Variants in MGAT4C observed in about 807,000 individuals in gnomAD.
MGAT4C encodes the protein MGAT4 family member C, also known as alpha-1,3-mannosyl-glycoprotein 4-beta-N-acetylglucosaminyltransferase C.
MGAT4C carries 19 observed loss-of-function variants against 40.1 expected under a neutral mutation model. The ratio of observed to expected loss-of-function variants is 0.47; its 90% CI spans 0.33 to 0.70. The LOEUF (loss-of-function observed/expected upper bound fraction) is 0.70. Ranked by LOEUF, MGAT4C falls within the 30% of genes least tolerant of loss-of-function variation. The pLI is 0.02. For synonymous variants in MGAT4C, 181 were observed against 187.1 expected (o/e 0.97, Z 0.27); for missense variants, 491 against 563.2 (o/e 0.87, Z 1.30).
intron 1 of MGAT4C, among the ~76,000 whole-genome samples, chr12:86,054,047 T>C (rs148007490): frequency 3.0e-4 from 45 of 151,882 alleles, no homozygotes; most frequent in African/African-American, 1.0e-3. Flanking sequence ...TTCTCAAAAA[T>C]TGAAAAAAAG....
intron 3 of MGAT4C, among the ~76,000 whole-genome samples, chr12:86,430,931 G>A (rs1020378149): frequency 1.1e-4 from 16 of 152,210 alleles, no homozygotes; most frequent in Admixed American, 9.8e-4. Context: ...ATTCACAGAA[G>A]TGGGAAGTTC....
intron 2 of MGAT4C, among the ~76,000 whole-genome samples, chr12:86,045,106 G>T (rs562092829): frequency 6.6e-6 from 1 of 152,150 alleles, no homozygotes; most frequent in African/African-American, 2.4e-5. Flanking sequence ...CACCCTCAAT[G>T]CCTTCCCTCT....
intron 1 of MGAT4C, among the ~76,000 whole-genome samples, chr12:86,731,308 T>C (rs1192010683): frequency 6.6e-6 from 1 of 152,078 alleles, no homozygotes; most frequent in African/African-American, 2.4e-5. Context: ...TGCAATTGCA[T>C]CTCCCTTGCC....
intron 1 of MGAT4C, among the ~76,000 whole-genome samples, chr12:86,135,058 G>A (rs1881751786): frequency 6.6e-6 from 1 of 152,082 alleles, no homozygotes; most frequent in Non-Finnish European, 1.5e-5. Context: ...CTTATGAAAT[G>A]CCATTGAACT....
intron 2 of MGAT4C, among the ~76,000 whole-genome samples, chr12:86,030,544 A>G (rs1169986791): frequency 6.6e-6 from 1 of 151,764 alleles, no homozygotes; most frequent in Non-Finnish European, 1.5e-5. Context: ...CTTGTTGAGA[A>G]ATCTATTAGG....
At chr12:86,195,249 A>G (rs1333652896) in intron 1 of MGAT4C, among the ~76,000 whole-genome samples, 1 of 152,170 alleles carries the variant, frequency 6.6e-6, no homozygotes, top group Non-Finnish European at 1.5e-5. Context: ...TTGGTTTCTC[A>G]AGGGCTGGTT....
At chr12:86,807,022 A>C (rs28759399) in intron 1 of MGAT4C, among the ~76,000 whole-genome samples, 1 of 146,422 alleles carries the variant, frequency 6.8e-6, no homozygotes, top group African/African-American at 2.5e-5. Flanking sequence ...TATATATATA[A>C]ATAAAAAATA....
chr12:86,594,622 G>A (rs184135966), intron 2 of MGAT4C, among the ~76,000 whole-genome samples: 14 of 152,148 alleles, frequency 9.2e-5, no homozygotes, highest in Admixed American at 4.6e-4. Context: ...AAATTATTTC[G>A]CCAATTAAAT....
chr12:86,323,521 T>C (rs186824875), intron 4 of MGAT4C, among the ~76,000 whole-genome samples: 2 of 151,820 alleles, frequency 1.3e-5, no homozygotes, highest in Admixed American at 1.3e-4. Context: ...ACACTAAGTA[T>C]GTAAAAAGAT....
At chr12:86,408,731 CTATT>C (rs1956539748) in intron 3 of MGAT4C, among the ~76,000 whole-genome samples, 1 of 151,206 alleles carries the variant, frequency 6.6e-6, no homozygotes, top group Non-Finnish European at 1.5e-5. Flanking sequence ...GCTTGCTAAC[CTATT>C]TATTTTTCTC....
At chr12:86,441,328 TTTTTTA>T (rs1957222899) in intron 2 of MGAT4C, among the ~76,000 whole-genome samples, 1 of 149,308 alleles carries the variant, frequency 6.7e-6, no homozygotes, top group Non-Finnish European at 1.5e-5. Context: ...CCAACTGATT[TTTTTTA>T]TTATTATTTT....
intron 3 of MGAT4C, among the ~76,000 whole-genome samples, chr12:86,428,093 A>G (rs1956964391): frequency 6.6e-6 from 1 of 152,110 alleles, no homozygotes; most frequent in Non-Finnish European, 1.5e-5. Flanking sequence ...GTATAAAATC[A>G]TTGTCTCAAA....
chr12:86,159,453 T>A (rs1441760243), intron 1 of MGAT4C, among the ~76,000 whole-genome samples: 1 of 151,850 alleles, frequency 6.6e-6, no homozygotes, highest in East Asian at 1.9e-4. Context: ...TTTTTGTGTC[T>A]ATGTTCATGA....
At chr12:86,045,582 A>C (rs1026142984) in intron 2 of MGAT4C, among the ~76,000 whole-genome samples, 1 of 152,180 alleles carries the variant, frequency 6.6e-6, no homozygotes, top group South Asian at 2.1e-4. Flanking sequence ...CAAAACCCCC[A>C]AATTTTTATC....
At chr12:86,239,935 G>A (rs1327324391) in intron 1 of MGAT4C, among the ~76,000 whole-genome samples, 3 of 149,898 alleles carry the variant, frequency 2.0e-5, no homozygotes, top group Non-Finnish European at 3.0e-5. Flanking sequence ...TAGATGACAC[G>A]TTAGTGGGTG....
rs186076045 is a variant in MGAT4C at position 86,727,885 on chromosome 12, C to A, written c.-261-644G>T. ...TACACAAAAGTAGTGATATGACCAC[C>A]AGAACAAAAAAAAGAAACAAACAAA... is the stretch of plus-strand genomic sequence containing the variant. On this transcript the variant is annotated intron_variant, in intron 1 of 7. Coordinates refer to the MGAT4C transcript ENST00000548651. Among the ~76,000 whole-genome samples, 469 of 151,648 alleles carry A rather than the reference C, an allele frequency of 3.1e-3. 3 individuals are homozygous for A. The highest frequency in any genetic ancestry group is 0.014 in the Middle Eastern group (4 of 292).
intron 2 of MGAT4C, among the ~76,000 whole-genome samples, chr12:86,633,551 A>C (rs1963127982): frequency 1.3e-5 from 2 of 152,266 alleles, no homozygotes; most frequent in African/African-American, 4.8e-5. Flanking sequence ...TATACCTATT[A>C]GGATGCAAAA....
At chr12:86,611,347 A>G (rs571081430) in intron 2 of MGAT4C, among the ~76,000 whole-genome samples, 112 of 152,200 alleles carry the variant, frequency 7.4e-4, no homozygotes, top group South Asian at 1.7e-3. Flanking sequence ...CACGTATGAT[A>G]GATAGACAGG....
intron 1 of MGAT4C, among the ~76,000 whole-genome samples, chr12:86,142,185 T>C (rs1181858745): frequency 1.3e-5 from 2 of 152,184 alleles, no homozygotes; most frequent in Non-Finnish European, 2.9e-5. Context: ...TGATCTATGG[T>C]TTATGCCCAG....
Sources: gnomAD v4.1 joint callset for allele counts (sites outside exome capture counted in the v4.1 genomes callset) on GRCh38, gnomAD v4.1.1 for gene constraint, MANE v1.5 for transcripts, NCBI Gene and HGNC (gene_info 2026-07-23, HGNC 2026-07-21) for gene names.